The following NRXN1 variants were observed in gnomAD, a reference collection of about 807,000 sequenced individuals.
NRXN1 encodes neurexin-1.
A neutral mutation model predicts 150.9 loss-of-function variants in NRXN1; 39 were observed. The ratio of observed to expected loss-of-function variants is 0.26; its 90% CI spans 0.20 to 0.34. The LOEUF (loss-of-function observed/expected upper bound fraction) is 0.34. NRXN1 is among the 10% of genes least tolerant of loss of function. The pLI is 1.00. For synonymous variants in NRXN1, 924 were observed against 757.0 expected (o/e 1.22, Z -3.62); for missense variants, 1,815 against 1,949.9 (o/e 0.93, Z 1.30).
chr2:50,127,710 G>A (rs72878157), intron 18 of NRXN1, among the ~76,000 whole-genome samples: 25,754 of 152,084 alleles, frequency 0.17, 2,672 homozygotes, highest in East Asian at 0.37. Context: ...GAATGATGAT[G>A]ACGTATATAA....
chr2:50,424,674 G>C (rs1481776102), intron 17 of NRXN1, among the ~76,000 whole-genome samples: 1 of 152,004 alleles, frequency 6.6e-6, no homozygotes, highest in Non-Finnish European at 1.5e-5. Context: ...ACTTCTATTA[G>C]CACTTTATAA....
intron 2 of NRXN1, among the ~76,000 whole-genome samples, chr2:50,961,240 T>C (rs1371696299): frequency 6.6e-6 from 1 of 152,034 alleles, no homozygotes; most frequent in East Asian, 1.9e-4. Context: ...ATAACATGTA[T>C]TCAAATTACT....
chr2:50,217,572 A>G (rs1294459784), intron 18 of NRXN1, among the ~76,000 whole-genome samples: 1 of 151,980 alleles, frequency 6.6e-6, no homozygotes, highest in Non-Finnish European at 1.5e-5. Context: ...AATTTAGATC[A>G]TGTTTCAGAA....
chr2:51,026,416 G>C lies in NRXN1; in HGVS notation c.772+1086C>G, dbSNP rs766343416. 1.9e-6 allele frequency: 3 copies of C among 1,604,016 alleles called. No homozygotes were observed. In the East Asian group the frequency reaches 6.7e-5, roughly 36 times the overall value. ...GTATTTATACAACAGTATTTTCCTTGGTCATTGTCATGTAACAGCACCGGC... is the reference window on the plus strand; with the variant it reads ...GTATTTATACAACAGTATTTTCCTTCGTCATTGTCATGTAACAGCACCGGC... On this transcript the variant is annotated intron_variant, in intron 2 of 22. Coordinates refer to ENST00000401669, the MANE Select transcript of NRXN1 (RefSeq NM_001330078.2).
chr2:50,212,049 A>ATATATATAT (rs1559100237), intron 18 of NRXN1, among the ~76,000 whole-genome samples: 2,277 of 151,728 alleles, frequency 0.015, 154 homozygotes, highest in Admixed American at 0.12. Flanking sequence ...AACTAAATCC[A>ATATATATAT]CTATATATTC....
At chr2:49,997,238 T>G (rs1198884566) in intron 21 of NRXN1, among the ~76,000 whole-genome samples, 7 of 152,142 alleles carry the variant, frequency 4.6e-5, no homozygotes, top group Non-Finnish European at 7.3e-5. Flanking sequence ...TTACAAAAAT[T>G]TATTATAGCT....
At chr2:50,882,065 A>C (rs1327900306) in intron 5 of NRXN1, among the ~76,000 whole-genome samples, 1 of 151,898 alleles carries the variant, frequency 6.6e-6, no homozygotes, top group Non-Finnish European at 1.5e-5. Flanking sequence ...AACCACTAAA[A>C]GGATATATTG....
intron 21 of NRXN1, among the ~76,000 whole-genome samples, chr2:50,040,868 G>A (rs1573561797): frequency 1.3e-5 from 2 of 150,960 alleles, no homozygotes; most frequent in South Asian, 4.2e-4. Flanking sequence ...ATTTCCTTTT[G>A]CTTTTTTTAA....
intron 17 of NRXN1, among the ~76,000 whole-genome samples, chr2:50,325,386 T>C (rs2076322046): frequency 6.6e-6 from 1 of 152,124 alleles, no homozygotes; most frequent in Non-Finnish European, 1.5e-5. Context: ...CCCCACCAGG[T>C]CCCATGGCGG....
At chr2:50,126,252 T>A (rs1284729153) in intron 18 of NRXN1, among the ~76,000 whole-genome samples, 2 of 152,088 alleles carry the variant, frequency 1.3e-5, no homozygotes, top group African/African-American at 4.8e-5. Context: ...TGACCCTGAA[T>A]AAATGTCAAG....
rs1008099313 is a variant in NRXN1 at position 50,721,998 on chromosome 2, A to T, written c.833-98383T>A. On this transcript the variant is annotated intron_variant, in intron 5 of 22. Transcript: ENST00000401669. ...AATGTCCCTTGGTGAAAACTCTGAG[A>T]AGAGAAAAATGTCTGAATTTCTTCT... is the stretch of plus-strand genomic sequence containing the variant. Among the ~76,000 whole-genome samples, 12 of 152,184 alleles carry T rather than the reference A, an allele frequency of 7.9e-5. 1 individual carries two copies. Among genetic ancestry groups the T allele is most frequent in the Non-Finnish European group, 1.8e-4 (12 of 68,042 alleles).
At chr2:50,331,607 A>G (rs2076838871) in intron 17 of NRXN1, among the ~76,000 whole-genome samples, 2 of 152,198 alleles carry the variant, frequency 1.3e-5, no homozygotes, top group Non-Finnish European at 2.9e-5. Flanking sequence ...AGAGCAATAG[A>G]TTTAACCACT....
intron 21 of NRXN1, among the ~76,000 whole-genome samples, chr2:49,944,185 C>T (rs995706988): frequency 2.6e-5 from 4 of 152,148 alleles, no homozygotes; most frequent in African/African-American, 9.7e-5. Flanking sequence ...GCTTGGCTTC[C>T]TAAAAGCAGA....
chr2:50,994,093 C>A (rs115080742), intron 2 of NRXN1, among the ~76,000 whole-genome samples: 4,365 of 152,030 alleles, frequency 0.029, 174 homozygotes, highest in Admixed American at 0.12. Context: ...TCACCACATT[C>A]TTTCAAGATA....
intron 16 of NRXN1, among the ~76,000 whole-genome samples, chr2:50,471,506 T>C (rs1410828242): frequency 6.6e-6 from 1 of 151,884 alleles, no homozygotes; most frequent in Non-Finnish European, 1.5e-5. Flanking sequence ...ACTCATTGGC[T>C]TTTGGGCACT....
At chr2:50,822,727 C>A (rs1165252200) in intron 5 of NRXN1, among the ~76,000 whole-genome samples, 1 of 152,110 alleles carries the variant, frequency 6.6e-6, no homozygotes, top group East Asian at 1.9e-4. Context: ...TCCTCGTTTT[C>A]ATTCTTCTTC....
chr2:50,113,750 G>C (rs1346333466), intron 18 of NRXN1, among the ~76,000 whole-genome samples: 1 of 152,126 alleles, frequency 6.6e-6, no homozygotes, highest in East Asian at 1.9e-4. Flanking sequence ...CTGTGAGTGA[G>C]GCAGAAGGAG....
intron 5 of NRXN1, among the ~76,000 whole-genome samples, chr2:50,652,812 T>C (rs147225639): frequency 8.5e-5 from 13 of 152,188 alleles, no homozygotes; most frequent in Non-Finnish European, 1.8e-4. Flanking sequence ...CAGCAATGTA[T>C]GAAGGTTCCA....
intron 5 of NRXN1, among the ~76,000 whole-genome samples, chr2:50,813,277 A>G (rs1370990942): frequency 6.6e-6 from 1 of 152,120 alleles, no homozygotes; most frequent in Non-Finnish European, 1.5e-5. Context: ...CTATCAATAA[A>G]TATTTTTACC....
Sources: allele counts gnomAD v4.1 joint callset (sites outside exome capture counted in the v4.1 genomes callset), GRCh38; gene constraint gnomAD v4.1.1; transcripts MANE v1.5; gene names NCBI Gene and HGNC (gene_info 2026-07-23, HGNC 2026-07-21).